Variants in RIOK1 observed in about 807,000 individuals in gnomAD.
RIOK1 encodes serine/threonine-protein kinase RIO1.
A neutral mutation model predicts 73.5 loss-of-function variants in RIOK1; 66 were observed. The observed-to-expected ratio is 0.90, with a 90% CI of 0.74 to 1.10. The LOEUF (loss-of-function observed/expected upper bound fraction) is 1.10, where lower values mean the gene tolerates loss of function less well. RIOK1 is among the 50% of genes least tolerant of loss of function. The pLI, the probability that RIOK1 is intolerant of heterozygous loss-of-function variation, is 0.00. For missense variants in RIOK1, 658 were observed against 699.8 expected, an observed-to-expected ratio of 0.94 and a Z score of 0.67; for synonymous variants, 224 against 226.8, an observed-to-expected ratio of 0.99 and a Z score of 0.11.
intron 16 of RIOK1, among the ~76,000 whole-genome samples, chr6:7,415,192 T>C (rs956792933): frequency 2.0e-5 from 3 of 152,194 alleles, no homozygotes; most frequent in African/African-American, 7.2e-5. Flanking sequence ...CCTAGCACTT[T>C]GGGAGGCCAA....
intron 4 of RIOK1, 120 bp downstream of exon 4, chr6:7,396,892 G>GTGT (rs1761487944): frequency 2.4e-5 from 10 of 416,444 alleles, no homozygotes; most frequent in South Asian, 5.1e-5. Flanking sequence ...TCATTATTTT[G>GTGT]GTGTGTGTGT....
intron 13 of RIOK1, among the ~76,000 whole-genome samples, chr6:7,411,055 G>GT (rs2113526907): frequency 6.6e-6 from 1 of 152,312 alleles, no homozygotes; most frequent in Admixed American, 6.5e-5. Context: ...TGAAGGAGAA[G>GT]TGTTATTCTA....
At chr6:7,411,549 T>G (rs1761883426) in intron 14 of RIOK1, 98 bp downstream of exon 14, 1 of 1,287,448 alleles carries the variant, frequency 7.8e-7, no homozygotes, top group Non-Finnish European at 1.1e-6. Flanking sequence ...TAATCTTGAA[T>G]ATTGGCTTCT....
chr6:7,400,922 C>T, intron 5 of RIOK1, 36 bp from the exon 6 acceptor site: 2 of 1,378,224 alleles, frequency 1.5e-6, no homozygotes, highest in Non-Finnish European at 2.1e-6. Context: ...TTGGTACCGT[C>T]TTTTGGAACT....
chr6:7,390,400 CTT>C (rs1320168404), intron 1 of RIOK1, among the ~76,000 whole-genome samples: 1 of 152,196 alleles, frequency 6.6e-6, no homozygotes, highest in Non-Finnish European at 1.5e-5. Flanking sequence ...TTACTAAGCA[CTT>C]AATATGTACC....
chr6:7,397,189 G>T (rs1761496366), intron 4 of RIOK1, among the ~76,000 whole-genome samples: 1 of 152,180 alleles, frequency 6.6e-6, no homozygotes. Context: ...TCTTGAACCT[G>T]GGAGGTGGAG....
intron 12 of RIOK1, among the ~76,000 whole-genome samples, chr6:7,409,064 C>T (rs1262260863): frequency 6.6e-6 from 1 of 151,976 alleles, no homozygotes; most frequent in Non-Finnish European, 1.5e-5. Flanking sequence ...GCTCTTGTCA[C>T]CCAGGCTGGA....
At chr6:7,403,271 C>G (rs544143293) in intron 8 of RIOK1, among the ~76,000 whole-genome samples, 24 of 152,200 alleles carry the variant, frequency 1.6e-4, no homozygotes, top group African/African-American at 5.3e-4. Context: ...TTATAATGCT[C>G]TGTCATGTTT....
rs533636159 is a variant in RIOK1 at position 7,398,864 on chromosome 6, T to C, written c.480+124T>C. On this transcript the variant is annotated intron_variant, in intron 5 of 16. Coordinates refer to ENST00000379834, the MANE Select transcript of RIOK1 (RefSeq NM_031480.3). ...TACCTAAAATTACTCCTATATAAAA[T>C]TATTCCTTTTTATAGTTTCGAGTTT... The C allele has an allele frequency of 1.1e-5, 8 of 708,218 alleles. 1 individual carries two copies. In the South Asian group the frequency reaches 1.7e-4, roughly 15 times the overall value. 43.9% of individuals were successfully genotyped at this position (708,218 alleles called of 1,614,324 possible). A position where few individuals can be genotyped will look rare whatever the true frequency, so the allele number is the denominator to read the frequency against.
At chr6:7,394,103 A>T (rs911315565) in intron 2 of RIOK1, among the ~76,000 whole-genome samples, 39 of 152,368 alleles carry the variant, frequency 2.6e-4, no homozygotes, top group Admixed American at 2.2e-3. Flanking sequence ...TTCCTGGAGC[A>T]TAAAGGTTAA....
chr6:7,417,177 G>A (rs954554787), intron 16 of RIOK1, among the ~76,000 whole-genome samples, 154 bp from the exon 17 acceptor site: 2 of 152,272 alleles, frequency 1.3e-5, no homozygotes, highest in African/African-American at 4.8e-5. Flanking sequence ...CTTGAGCCCA[G>A]GAGGTGGAGG....
In RIOK1 at chr6:7,401,059, T is replaced by TGGCTCACGCCTGTAA; in HGVS notation, c.573+9_573+10insGGCTCACGCCTGTAA. ...TTAGCACAGGAAAAGAAGTGAGCTCTTCTTTGGATGATTGGATATTTAATT... is the reference window on the plus strand; with the variant it reads ...TTAGCACAGGAAAAGAAGTGAGCTCTGGCTCACGCCTGTAATCTTTGGATGATTGGATATTTAATT... On this transcript the variant is annotated intron_variant, in intron 6 of 16. Coordinates refer to ENST00000379834, the MANE Select transcript of RIOK1 (RefSeq NM_031480.3). 1 of 1,519,000 alleles carries TGGCTCACGCCTGTAA rather than the reference T, an allele frequency of 6.6e-7. No individual in the cohort carries two copies. The highest frequency in any genetic ancestry group is 1.7e-5 in the Admixed American group (1 of 58,132). 94.1% of individuals were successfully genotyped at this position (1,519,000 alleles called of 1,614,324 possible). A position where few individuals can be genotyped will look rare whatever the true frequency, so the allele number is the denominator to read the frequency against.
At position 7,404,449 on chromosome 6, in the gene RIOK1, T is replaced by C. The variant is rs904630529; in HGVS notation, c.886T>C (p.Ser296Pro). ...ACCACTCTTGAAAAATGTCCAGTTA[T>C]CAGAATCCAAGGCTCGGGAGTTGTA... ...PAPLLKNVQL[S>P]ESKARELYLQ... The change falls in exon 10 of 17, where the codon TCA becomes CCA. Residue 296 changes from serine to proline, a missense_variant. By Grantham distance (74) the Ser-to-Pro change is moderately conservative. Coordinates refer to ENST00000379834, the MANE Select transcript of RIOK1 (RefSeq NM_031480.3). The C allele has an allele frequency of 3.1e-6, 5 of 1,614,040 alleles. No homozygotes were observed. In the African/African-American group the frequency reaches 4.0e-5, roughly 13 times the overall value.
chr6:7,406,786 G>A (rs532946881), intron 12 of RIOK1, among the ~76,000 whole-genome samples: 80 of 152,038 alleles, frequency 5.3e-4, no homozygotes, highest in African/African-American at 1.8e-3. Context: ...TGGCCTCCCT[G>A]AGTAGCTGGG....
chr6:7,404,599 G>T (rs770199140), intron 10 of RIOK1, 44 bp downstream of exon 10: 2 of 1,598,182 alleles, frequency 1.3e-6, no homozygotes, highest in African/African-American at 1.3e-5. Flanking sequence ...CAGTTGTTTC[G>T]TGTCCTTTAA....
At position 7,407,369 on chromosome 6, in the gene RIOK1, T is replaced by C. The variant is rs149105428; in HGVS notation, c.1203+2014T>C. Among the ~76,000 whole-genome samples, 43 of 152,320 alleles carry C rather than the reference T, an allele frequency of 2.8e-4. 1 individual carries two copies. The highest frequency in any genetic ancestry group is 9.9e-4 in the African/African-American group (41 of 41,578). On this transcript the variant is annotated intron_variant, in intron 12 of 16. Coordinates refer to ENST00000379834, the MANE Select transcript of RIOK1 (RefSeq NM_031480.3). ...TTTGTTTTGACAATGAGAGACCCCC[T>C]AATGAGTGTGAGGTGTATGTTATTA...
intron 13 of RIOK1, 73 bp from the exon 14 acceptor site, chr6:7,411,259 A>G: frequency 4.6e-6 from 7 of 1,519,400 alleles, no homozygotes; most frequent in Non-Finnish European, 5.4e-6. Flanking sequence ...CTGTAACCTG[A>G]TGGAGGAGTA....
At chr6:7,412,765 G>C in intron 14 of RIOK1, 124 bp from the exon 15 acceptor site, 1 of 426,726 alleles carries the variant, frequency 2.3e-6, no homozygotes, top group Non-Finnish European at 4.2e-6. Context: ...ATTAATTTTA[G>C]ATACCTTTTT....
chr6:7,410,333 G>A (rs907721797), intron 12 of RIOK1, 53 bp from the exon 13 acceptor site: 3 of 1,227,612 alleles, frequency 2.4e-6, no homozygotes, highest in Admixed American at 3.5e-5. Flanking sequence ...GGACATGGAT[G>A]TGCCTTCTGC....
Sources: gnomAD v4.1 joint callset for allele counts (sites outside exome capture counted in the v4.1 genomes callset) on GRCh38, gnomAD v4.1.1 for gene constraint, MANE v1.5 for transcripts, NCBI Gene and HGNC (gene_info 2026-07-23, HGNC 2026-07-21) for gene names.